CHN2: variants seen among roughly 807,000 people sequenced by gnomAD.
The protein encoded by CHN2 is beta-chimaerin.
A neutral mutation model predicts 56.3 loss-of-function variants in CHN2; 35 were observed. That is an observed-to-expected ratio of 0.62 (90% CI 0.47 to 0.82). CHN2 has a LOEUF of 0.82. CHN2 is among the 40% of genes least tolerant of loss of function. The probability of loss-of-function intolerance (pLI) is 0.00; values close to 1 mark genes in which losing one functional copy is unlikely to be tolerated. For synonymous variants in CHN2, 210 were observed against 212.8 expected, an observed-to-expected ratio of 0.99 and a Z score of 0.12; for missense variants, 491 against 580.5, an observed-to-expected ratio of 0.85 and a Z score of 1.58.
intron 5 of CHN2, among the ~76,000 whole-genome samples, chr7:29,398,863 A>G (rs1404082770): frequency 6.6e-6 from 1 of 151,626 alleles, no homozygotes; most frequent in Non-Finnish European, 1.5e-5. Context: ...CAGCCTCCCA[A>G]AGTTCTGGGA....
upstream of CHN2, chr7:29,194,708 A>G: frequency 2.4e-6 from 1 of 409,986 alleles, no homozygotes; most frequent in Non-Finnish European, 4.2e-6. Flanking sequence ...ACCCATAGAA[A>G]AGCGTGCAAA....
At position 29,482,982 on chromosome 7, in the gene CHN2, C is replaced by T. The variant is rs935581158; in HGVS notation, c.654+2626C>T. Among the ~76,000 whole-genome samples, 12 of 151,454 alleles carry T rather than the reference C, an allele frequency of 7.9e-5. 1 individual carries two copies. Among genetic ancestry groups the T allele is most frequent in the Middle Eastern group, 3.2e-3 (1 of 314 alleles). On this transcript the variant is annotated intron_variant, in intron 7 of 12. Coordinates refer to ENST00000222792, the MANE Select transcript of CHN2 (RefSeq NM_004067.4). ...GACTACAGGCGCCCGCCAACACACCCGGCTAATTTTTTGTATTTTTAGTAG... is the reference window on the plus strand; with the variant it reads ...GACTACAGGCGCCCGCCAACACACCTGGCTAATTTTTTGTATTTTTAGTAG...
At chr7:29,263,482 G>C (rs1358364882) in intron 1 of CHN2, among the ~76,000 whole-genome samples, 2 of 151,974 alleles carry the variant, frequency 1.3e-5, no homozygotes, top group Non-Finnish European at 2.9e-5. Context: ...TCTCTGCCTG[G>C]CCGCCCATCG....
chr7:29,428,385 G>A (rs1805096924), intron 6 of CHN2, among the ~76,000 whole-genome samples: 1 of 152,140 alleles, frequency 6.6e-6, no homozygotes, highest in South Asian at 2.1e-4. Context: ...GTTTCTGGTT[G>A]GGTTGCATTG....
chr7:29,273,361 A>ATATATATATATATGTG (rs1562881957), intron 1 of CHN2, among the ~76,000 whole-genome samples: 1 of 77,754 alleles, frequency 1.3e-5, no homozygotes, highest in African/African-American at 4.8e-5. Context: ...ATATATATAT[A>ATATATATATATATGTG]TATATATATA....
Position 29,499,967 on chromosome 7 carries a change from A to G in CHN2, c.840A>G (p.Thr280=), listed in dbSNP as rs1363396142. The G allele has an allele frequency of 6.2e-7, 1 of 1,610,868 alleles. No individual in the cohort carries two copies. The highest frequency in any genetic ancestry group is 8.5e-7 in the Non-Finnish European group (1 of 1,178,730). Residue 280 remains threonine (T), a synonymous_variant, in exon 9 of 13, where the codon ACA becomes ACG. Transcript: ENST00000222792. ...RIKKVYCCDL[T]TLVKAHNTQR... ...AGAAAGTGTACTGTTGTGACCTCACAACACTTGTGAAGGCTCACAACACTC... is the reference window on the plus strand; with the variant it reads ...AGAAAGTGTACTGTTGTGACCTCACGACACTTGTGAAGGCTCACAACACTC...
At chr7:29,356,300 T>A (rs1484063961) in intron 2 of CHN2, among the ~76,000 whole-genome samples, 1 of 152,194 alleles carries the variant, frequency 6.6e-6, no homozygotes, top group African/African-American at 2.4e-5. Flanking sequence ...TGTATGGATA[T>A]ATAATATATA....
At chr7:29,472,275 A>ACACACACACACACACACACACACACG in intron 6 of CHN2, among the ~76,000 whole-genome samples, 1 of 133,338 alleles carries the variant, frequency 7.5e-6, no homozygotes, top group African/African-American at 3.7e-5. Flanking sequence ...AACAAAATAC[A>ACACACACACACACACACACACACACG]CACACACACA....
At chr7:29,279,004 C>G (rs975695245) in intron 1 of CHN2, among the ~76,000 whole-genome samples, 17 of 152,222 alleles carry the variant, frequency 1.1e-4, no homozygotes, top group Admixed American at 9.1e-4. Context: ...TGTCCCCCCC[C>G]AACCCCCACC....
intron 2 of CHN2, among the ~76,000 whole-genome samples, chr7:29,178,861 A>C (rs1238375641): frequency 6.6e-6 from 1 of 152,236 alleles, no homozygotes; most frequent in Non-Finnish European, 1.5e-5. Context: ...GGTTTGCCAC[A>C]AATTTGACCA....
chr7:29,488,789 G>A lies in CHN2; in HGVS notation c.655-7163G>A, dbSNP rs918580866. 2.6e-5 allele frequency among the ~76,000 whole-genome samples: 4 copies of A among 152,002 alleles called. No homozygotes were observed. The East Asian group carries it at 5.8e-4, about 22-fold the overall frequency. ...TGGCATTTAGTGGGTGGAGGCCAGC[G>A]ATGCTGCCAAACATCCCACAATGTA... On this transcript the variant is annotated intron_variant, in intron 7 of 12. Coordinates refer to ENST00000222792, the MANE Select transcript of CHN2 (RefSeq NM_004067.4).
intron 1 of CHN2, among the ~76,000 whole-genome samples, chr7:29,195,779 A>C (rs1022988655): frequency 6.6e-6 from 1 of 152,024 alleles, no homozygotes; most frequent in Non-Finnish European, 1.5e-5. Context: ...CAGCTTTTCT[A>C]TGGTTGATCA....
chr7:29,369,686 G>T (rs1234886315), intron 3 of CHN2, among the ~76,000 whole-genome samples: 1 of 152,194 alleles, frequency 6.6e-6, no homozygotes, highest in Non-Finnish European at 1.5e-5. Context: ...AGTGTTAGCA[G>T]TGGAGGTAGG....
intron 6 of CHN2, among the ~76,000 whole-genome samples, chr7:29,437,812 A>G (rs1428568970): frequency 6.6e-6 from 1 of 152,120 alleles, no homozygotes; most frequent in Non-Finnish European, 1.5e-5. Context: ...AAAAGCTATT[A>G]TATCATTTAT....
chr7:29,485,221 C>G (rs1055176746), intron 7 of CHN2, among the ~76,000 whole-genome samples: 9 of 152,024 alleles, frequency 5.9e-5, no homozygotes, highest in Middle Eastern at 3.2e-3. Flanking sequence ...GCTATTAGTT[C>G]ACACTAATAT....
chr7:29,201,305 G>T (rs899071699), intron 1 of CHN2, among the ~76,000 whole-genome samples: 21 of 152,136 alleles, frequency 1.4e-4, no homozygotes, highest in African/African-American at 4.8e-4. Flanking sequence ...AGCAGAGCTA[G>T]AGCTGGAACT....
At chr7:29,254,209 CT>C (rs1317229044) in intron 1 of CHN2, among the ~76,000 whole-genome samples, 1 of 152,106 alleles carries the variant, frequency 6.6e-6, no homozygotes, top group East Asian at 1.9e-4. Context: ...AGCCGCTATT[CT>C]TTTTCTACTA....
At chr7:29,219,555 A>G (rs184347362) in intron 1 of CHN2, among the ~76,000 whole-genome samples, 34 of 152,330 alleles carry the variant, frequency 2.2e-4, no homozygotes, top group Admixed American at 2.0e-3. Flanking sequence ...GCCAGACTGG[A>G]TACAGATAAC....
At chr7:29,352,491 G>A (rs1157965775) in intron 1 of CHN2, among the ~76,000 whole-genome samples, 1 of 152,168 alleles carries the variant, frequency 6.6e-6, no homozygotes, top group Non-Finnish European at 1.5e-5. Flanking sequence ...AGAGGCTGAG[G>A]CGGGTGGATC....
Sources: gnomAD v4.1 joint callset for allele counts (sites outside exome capture counted in the v4.1 genomes callset) on GRCh38, gnomAD v4.1.1 for gene constraint, MANE v1.5 for transcripts, NCBI Gene and HGNC (gene_info 2026-07-23, HGNC 2026-07-21) for gene names.